MPRIP: variants seen among roughly 807,000 people sequenced by gnomAD.
The protein encoded by MPRIP is myosin phosphatase Rho interacting protein, also known as myosin phosphatase Rho-interacting protein.
In MPRIP, 59 loss-of-function variants were observed where a neutral mutation model predicts 234.9. The observed-to-expected ratio is 0.25, with a 90% CI of 0.20 to 0.31. The LOEUF (loss-of-function observed/expected upper bound fraction) is 0.31, where lower values mean the gene tolerates loss of function less well. MPRIP is among the 10% of genes least tolerant of loss of function. MPRIP has a pLI of 1.00. For missense variants in MPRIP, 2,436 were observed against 3,071.0 expected (o/e 0.79, Z 4.89); for synonymous variants, 1,144 against 1,263.9 (o/e 0.91, Z 2.01).
At chr17:17,143,953 C>T (rs1029050220) in intron 9 of MPRIP, among the ~76,000 whole-genome samples, 5 of 152,212 alleles carry the variant, frequency 3.3e-5, no homozygotes, top group Admixed American at 2.6e-4. Context: ...CGACTCTAGG[C>T]GGCAGGGCTG....
At chr17:17,134,087 C>T (rs1597862620) in intron 5 of MPRIP, among the ~76,000 whole-genome samples, 1 of 152,342 alleles carries the variant, frequency 6.6e-6, no homozygotes, top group Middle Eastern at 3.4e-3. Context: ...CCAGCACCAC[C>T]AGGCCCACAT....
rs555243394 is a variant in MPRIP, at chr17:17,149,897, A to C, written c.1630-247A>C. ...GTTTTTAAGAGTGTGAAGGGATTTC[A>C]ACAGCAGCATGTTTGAGGACCACTG... On this transcript the variant is annotated intron_variant, in intron 11 of 23. Coordinates refer to ENST00000651222, the MANE Select transcript of MPRIP (RefSeq NM_001364716.4). 1.1e-3 allele frequency: 375 copies of C among 346,188 alleles called. 2 individuals are homozygous for C. Among genetic ancestry groups the C allele is most frequent in the Admixed American group, 4.2e-3 (91 of 21,828 alleles). 21.4% of individuals were successfully genotyped at this position (346,188 alleles called of 1,614,324 possible).
At chr17:17,057,947 T>G in intron 1 of MPRIP, 1 of 468,952 alleles carries the variant, frequency 2.1e-6, no homozygotes, top group Non-Finnish European at 3.8e-6. Flanking sequence ...TGAATGCTCG[T>G]GAACCTGCCA....
chr17:17,062,161 C>T (rs1402911054), intron 1 of MPRIP, among the ~76,000 whole-genome samples: 1 of 152,038 alleles, frequency 6.6e-6, no homozygotes, highest in East Asian at 1.9e-4. Context: ...CTGTGAGGTC[C>T]TGTTGGTGGA....
chr17:17,131,064 A>C (rs1473668720), intron 4 of MPRIP, among the ~76,000 whole-genome samples: 2 of 152,088 alleles, frequency 1.3e-5, no homozygotes, highest in African/African-American at 4.8e-5. Context: ...AACTTGCCAC[A>C]CACAATCCCT....
chr17:17,187,230 G>A lies in MPRIP; in HGVS notation c.*2336G>A, dbSNP rs2046493167. On this transcript the variant is annotated 3_prime_UTR_variant, in exon 24 of 24. Coordinates refer to ENST00000651222, the MANE Select transcript of MPRIP (RefSeq NM_001364716.4). ...CCCTTTTTTCTGTCACATATCCCTT[G>A]AGGCTGGACTTCAGGAATCCTGGAA... 6.6e-6 allele frequency: 1 copy of A among 152,246 alleles called. No individual in the cohort carries two copies. The highest frequency in any genetic ancestry group is 1.5e-5 in the Non-Finnish European group (1 of 68,076). 9.4% of individuals were successfully genotyped at this position (152,246 alleles called of 1,614,324 possible).
intron 1 of MPRIP, among the ~76,000 whole-genome samples, chr17:17,062,037 A>C (rs2088883577): frequency 6.6e-6 from 1 of 151,902 alleles, no homozygotes; most frequent in Non-Finnish European, 1.5e-5. Flanking sequence ...AGATTATGAA[A>C]CTGAGAATCA....
At chr17:17,075,585 AG>A (rs1390640135) in intron 1 of MPRIP, 124 bp from the exon 2 acceptor site, 1 of 773,842 alleles carries the variant, frequency 1.3e-6, no homozygotes, top group Non-Finnish European at 2.2e-6. Flanking sequence ...CAGTGGAAAT[AG>A]GTGTCATGAC....
At chr17:17,045,377 G>T (rs1355457592) in intron 1 of MPRIP, among the ~76,000 whole-genome samples, 1 of 152,186 alleles carries the variant, frequency 6.6e-6, no homozygotes, top group Non-Finnish European at 1.5e-5. Flanking sequence ...GAAACCTCTT[G>T]CAGGGACTGT....
At chr17:17,096,288 G>GGTGTGTGTGTGTGT (rs59748753) in intron 3 of MPRIP, among the ~76,000 whole-genome samples, 1 of 136,492 alleles carries the variant, frequency 7.3e-6, no homozygotes, top group Non-Finnish European at 1.6e-5. Flanking sequence ...GTGTGTGCAG[G>GGTGTGTGTGTGTGT]GTGTGTGTGT....
At chr17:17,130,102 G>A (rs1406838535) in intron 4 of MPRIP, among the ~76,000 whole-genome samples, 1 of 152,150 alleles carries the variant, frequency 6.6e-6, no homozygotes, top group Non-Finnish European at 1.5e-5. Flanking sequence ...ATGACCCACA[G>A]GACCTGTGGC....
At chr17:17,081,306 G>A (rs559097104) in intron 3 of MPRIP, among the ~76,000 whole-genome samples, 41 of 152,296 alleles carry the variant, frequency 2.7e-4, no homozygotes, top group African/African-American at 9.9e-4. Context: ...ATGGGGTTTG[G>A]GCGGCACAAA....
intron 3 of MPRIP, among the ~76,000 whole-genome samples, chr17:17,101,397 C>T (rs1376370128): frequency 6.6e-6 from 1 of 152,130 alleles, no homozygotes; most frequent in Non-Finnish European, 1.5e-5. Flanking sequence ...GAAACCCCAT[C>T]TCTACTAAAA....
intron 3 of MPRIP, among the ~76,000 whole-genome samples, chr17:17,120,740 G>A (rs2090373402): frequency 6.6e-6 from 1 of 152,228 alleles, no homozygotes; most frequent in Middle Eastern, 3.4e-3. Flanking sequence ...CAGCCTCCTA[G>A]GAAACCTGGA....
chr17:17,135,285 G>A (rs970730418), intron 5 of MPRIP, among the ~76,000 whole-genome samples: 8 of 46,994 alleles, frequency 1.7e-4, no homozygotes, highest in African/African-American at 6.7e-4. Flanking sequence ...CTTCTCCCTC[G>A]GAGCTACCAC....
intron 3 of MPRIP, among the ~76,000 whole-genome samples, chr17:17,123,032 G>T (rs971873629): frequency 6.6e-6 from 1 of 152,242 alleles, no homozygotes; most frequent in African/African-American, 2.4e-5. Flanking sequence ...ACGTTATTCA[G>T]CTGTAAAAAG....
intron 3 of MPRIP, among the ~76,000 whole-genome samples, chr17:17,120,723 T>G (rs2090373134): frequency 6.6e-6 from 1 of 152,060 alleles, no homozygotes; most frequent in Non-Finnish European, 1.5e-5. Context: ...CAAAACTAGG[T>G]GAAGCTCAGC....
chr17:17,169,878 T>C (rs866312628), intron 16 of MPRIP, among the ~76,000 whole-genome samples: 15 of 152,208 alleles, frequency 9.9e-5, no homozygotes, highest in African/African-American at 3.6e-4. Flanking sequence ...TAAATTAACA[T>C]TTGTTTGCAA....
intron 8 of MPRIP, among the ~76,000 whole-genome samples, chr17:17,143,086 A>C (rs114620795): frequency 2.6e-5 from 4 of 152,292 alleles, no homozygotes; most frequent in African/African-American, 9.6e-5. Flanking sequence ...CAGTACAACT[A>C]CACCCCTCGT....
Sources: gnomAD v4.1 joint callset for allele counts (sites outside exome capture counted in the v4.1 genomes callset) on GRCh38, gnomAD v4.1.1 for gene constraint, MANE v1.5 for transcripts, NCBI Gene and HGNC (gene_info 2026-07-23, HGNC 2026-07-21) for gene names.